RBMS1: variants seen among roughly 807,000 people sequenced by gnomAD.
RBMS1 encodes RNA-binding motif, single-stranded-interacting protein 1.
Under a neutral mutation model 62.3 loss-of-function variants are expected in RBMS1, and 17 were observed. The observed-to-expected ratio is 0.27, with a 90% CI of 0.19 to 0.41. The LOEUF (loss-of-function observed/expected upper bound fraction) is 0.41. Ranked by LOEUF, RBMS1 falls within the 10% of genes least tolerant of loss-of-function variation. The probability of loss-of-function intolerance (pLI) is 1.00; values close to 1 mark genes in which losing one functional copy is unlikely to be tolerated. For synonymous variants in RBMS1, 172 were observed against 170.0 expected (o/e 1.01, Z -0.09); for missense variants, 334 against 504.5 (o/e 0.66, Z 3.24).
At chr2:160,417,563 T>C (rs1360251811) in intron 1 of RBMS1, among the ~76,000 whole-genome samples, 2 of 152,212 alleles carry the variant, frequency 1.3e-5, no homozygotes, top group African/African-American at 4.8e-5. Flanking sequence ...CAATCTAAGA[T>C]ACCACTGATT....
intron 5 of RBMS1, among the ~76,000 whole-genome samples, chr2:160,302,137 G>C (rs1313784259): frequency 6.6e-6 from 1 of 151,170 alleles, no homozygotes; most frequent in Non-Finnish European, 1.5e-5. Context: ...TTTTTTTCTG[G>C]GGAGAAAAAG....
intron 1 of RBMS1, among the ~76,000 whole-genome samples, chr2:160,471,718 A>G (rs867486730): frequency 6.9e-5 from 1 of 14,504 alleles, no homozygotes; most frequent in East Asian, 2.8e-3. Flanking sequence ...TATATATATA[A>G]CCTTTCATAC....
At chr2:160,466,439 C>T (rs1274521859) in intron 1 of RBMS1, among the ~76,000 whole-genome samples, 1 of 152,052 alleles carries the variant, frequency 6.6e-6, no homozygotes, top group Non-Finnish European at 1.5e-5. Flanking sequence ...GAAAATGAGA[C>T]ACCAAGCAGA....
At chr2:160,374,249 T>A (rs1405884255) in intron 1 of RBMS1, among the ~76,000 whole-genome samples, 1 of 152,088 alleles carries the variant, frequency 6.6e-6, no homozygotes, top group East Asian at 1.9e-4. Context: ...AGCGAGACCT[T>A]GTCTCAAAAA....
chr2:160,438,192 G>A (rs72976734), intron 1 of RBMS1, among the ~76,000 whole-genome samples: 2 of 151,820 alleles, frequency 1.3e-5, no homozygotes, highest in East Asian at 3.9e-4. Flanking sequence ...ACTCCATAGG[G>A]GAATCAAGTT....
chr2:160,409,645 A>C (rs933936840), intron 1 of RBMS1, among the ~76,000 whole-genome samples: 2 of 152,202 alleles, frequency 1.3e-5, no homozygotes, highest in African/African-American at 4.8e-5. Flanking sequence ...TCGTCTGTGC[A>C]TCTATGGAAA....
rs574826638 is a variant in RBMS1, at chr2:160,298,758, T to C, written c.640+1893A>G. 9.9e-5 allele frequency among the ~76,000 whole-genome samples: 15 copies of C among 152,262 alleles called. No homozygotes were observed. The East Asian group carries it at 2.1e-3, about 22-fold the overall frequency. Reference sequence around the variant, plus strand: ...GGGTCCTAACACCCAGCCCTCAGAATGTGATCTTACTTAGAGACAAGGTCA... The same window carrying C: ...GGGTCCTAACACCCAGCCCTCAGAACGTGATCTTACTTAGAGACAAGGTCA... On this transcript the variant is annotated intron_variant, in intron 6 of 13. Transcript: ENST00000348849.
chr2:160,451,797 T>C (rs915789281), intron 1 of RBMS1, among the ~76,000 whole-genome samples: 2 of 152,040 alleles, frequency 1.3e-5, no homozygotes, highest in Admixed American at 1.3e-4. Context: ...TTAGTACAGA[T>C]GGTGTTTTCA....
chr2:160,290,409 G>A (rs973574427), intron 6 of RBMS1, among the ~76,000 whole-genome samples: 3 of 152,008 alleles, frequency 2.0e-5, no homozygotes, highest in Admixed American at 1.3e-4. Flanking sequence ...TACTTTTCCA[G>A]ATTAGCAACT....
rs1687719424 is a variant in RBMS1, at chr2:160,274,409, A to G, written c.*363T>C. 1.3e-5 allele frequency: 2 copies of G among 151,598 alleles called. No homozygotes were observed. The highest frequency in any genetic ancestry group is 6.6e-5 in the Admixed American group (1 of 15,210). The allele number at this position is 151,598 out of a possible 1,614,324, so 9.4% of individuals were successfully genotyped here. A position where few individuals can be genotyped will look rare whatever the true frequency, so the allele number is the denominator to read the frequency against. ...CACAAAAATCCGGTCATGCACTTGGATAAGTCTTCATGGTCTTTGTGCATA... is the reference window on the plus strand; with the variant it reads ...CACAAAAATCCGGTCATGCACTTGGGTAAGTCTTCATGGTCTTTGTGCATA... On this transcript the variant is annotated 3_prime_UTR_variant, in exon 14 of 14. Coordinates refer to ENST00000348849, the MANE Select transcript of RBMS1 (RefSeq NM_016836.4).
chr2:160,416,900 T>C (rs951067649), intron 1 of RBMS1, among the ~76,000 whole-genome samples: 3 of 152,202 alleles, frequency 2.0e-5, no homozygotes. Flanking sequence ...TCCATCATAG[T>C]TCTACCGCAG....
chr2:160,391,440 T>C (rs1694860977), intron 1 of RBMS1, among the ~76,000 whole-genome samples: 1 of 151,964 alleles, frequency 6.6e-6, no homozygotes, highest in African/African-American at 2.4e-5. Flanking sequence ...TTAGTTTCTG[T>C]GTTTAAGAAA....
At chr2:160,336,753 T>C (rs907926916) in intron 2 of RBMS1, among the ~76,000 whole-genome samples, 1 of 152,222 alleles carries the variant, frequency 6.6e-6, no homozygotes, top group African/African-American at 2.4e-5. Context: ...TATCTCTATT[T>C]GGACTCGCCA....
At chr2:160,349,559 G>GAC (rs1332801330) in intron 2 of RBMS1, among the ~76,000 whole-genome samples, 1 of 147,022 alleles carries the variant, frequency 6.8e-6, no homozygotes, top group Non-Finnish European at 1.5e-5. Context: ...CAGAAAGAGA[G>GAC]AGAGAGAGAG....
chr2:160,377,346 C>CA (rs1694054242), intron 1 of RBMS1, among the ~76,000 whole-genome samples: 2 of 152,148 alleles, frequency 1.3e-5, no homozygotes, highest in African/African-American at 4.8e-5. Context: ...GGTTAAAAAA[C>CA]AGTGGTCAGC....
intron 1 of RBMS1, among the ~76,000 whole-genome samples, chr2:160,419,295 T>C (rs573563791): frequency 2.0e-5 from 3 of 152,312 alleles, no homozygotes; most frequent in African/African-American, 7.2e-5. Flanking sequence ...CTAAAAAATA[T>C]TGCAAATCAC....
At position 160,378,405 on chromosome 2, in the gene RBMS1, G is replaced by A. The variant is rs75994665; in HGVS notation, c.76-11014C>T. ...AAGGCAGGTGATCACTTGAGCCCAG[G>A]AATTCAAGATCAGCCTGGGCAACAT... On this transcript the variant is annotated intron_variant, in intron 1 of 13. Coordinates refer to ENST00000348849, the MANE Select transcript of RBMS1 (RefSeq NM_016836.4). 3.3e-3 allele frequency among the ~76,000 whole-genome samples: 498 copies of A among 152,166 alleles called. 1 individual carries two copies. Among genetic ancestry groups the A allele is most frequent in the Non-Finnish European group, 5.8e-3 (392 of 68,018 alleles).
In RBMS1 at chr2:160,303,471, G is replaced by C; in HGVS notation, c.419C>G (p.Pro140Arg). 4.3e-6 allele frequency: 7 copies of C among 1,610,050 alleles called. No individual in the cohort carries two copies. Among genetic ancestry groups the C allele is most frequent in the African/African-American group, 1.3e-5 (1 of 74,728 alleles). Residue 140 changes from proline to arginine, a missense_variant, in exon 5 of 14, where the codon CCT becomes CGT. Coordinates refer to ENST00000348849, the MANE Select transcript of RBMS1 (RefSeq NM_016836.4). ...AQMAKQQEQDPTNLYISNLPL... is the reference protein window; with the variant it reads ...AQMAKQQEQDRTNLYISNLPL... Reference sequence around the variant, plus strand: ...CAAATTAGAAATGTAGAGGTTGGTAGGATCTTGTTCCTGTTGCTAAAACAG... The same window carrying C: ...CAAATTAGAAATGTAGAGGTTGGTACGATCTTGTTCCTGTTGCTAAAACAG...
rs980193757 is a variant in RBMS1 at position 160,455,745 on chromosome 2, G to A, written c.75+37544C>T. Among the ~76,000 whole-genome samples, 3 of 146,244 alleles carry A rather than the reference G, an allele frequency of 2.1e-5. No individual in the cohort carries two copies. In the East Asian group the frequency reaches 6.0e-4, roughly 29 times the overall value. ...GTCGCCCAGGCTGGAGTGCAGTGGC[G>A]CGATCTCGGCTCACTGCAAGCTCCG... On this transcript the variant is annotated intron_variant, in intron 1 of 13. Coordinates refer to ENST00000348849, the MANE Select transcript of RBMS1 (RefSeq NM_016836.4).
Sources: allele counts gnomAD v4.1 joint callset (sites outside exome capture counted in the v4.1 genomes callset), GRCh38; gene constraint gnomAD v4.1.1; transcripts MANE v1.5; gene names NCBI Gene and HGNC (gene_info 2026-07-23, HGNC 2026-07-21).